Variants in MPP7 observed in about 807,000 individuals in gnomAD.
MPP7 encodes MAGUK p55 subfamily member 7.
A neutral mutation model predicts 76.5 loss-of-function variants in MPP7; 60 were observed. The ratio of observed to expected loss-of-function variants is 0.78; its 90% CI spans 0.64 to 0.97. The LOEUF is 0.97. MPP7 is among the 50% of genes least tolerant of loss of function. The pLI is 0.00. For synonymous variants in MPP7, 237 were observed against 244.5 expected (o/e 0.97, Z 0.29); for missense variants, 641 against 694.0 (o/e 0.92, Z 0.86).
At chr10:28,159,289 T>C (rs769409820) in intron 3 of MPP7, among the ~76,000 whole-genome samples, 3 of 152,226 alleles carry the variant, frequency 2.0e-5, no homozygotes, top group Admixed American at 1.3e-4. Context: ...GAACTCGTCT[T>C]AGTTTCTTAA....
chr10:28,293,655 C>A (rs1840973843), intron 1 of MPP7, among the ~76,000 whole-genome samples: 3 of 152,148 alleles, frequency 2.0e-5, no homozygotes, highest in African/African-American at 4.8e-5. Context: ...CCAGTCCGAG[C>A]CCCTGAGCTG....
chr10:28,122,825 C>A (rs1202075999), intron 8 of MPP7, among the ~76,000 whole-genome samples: 1 of 151,926 alleles, frequency 6.6e-6, no homozygotes, highest in Non-Finnish European at 1.5e-5. Context: ...TTCTTTATGG[C>A]ACCTTTTTTC....
intron 11 of MPP7, among the ~76,000 whole-genome samples, chr10:28,108,451 T>C (rs529613566): frequency 6.6e-6 from 1 of 152,124 alleles, no homozygotes; most frequent in African/African-American, 2.4e-5. Flanking sequence ...GCTCAGGAGT[T>C]TGAGACCAGC....
At chr10:28,123,753 T>C (rs908463563) in intron 8 of MPP7, among the ~76,000 whole-genome samples, 12 of 152,126 alleles carry the variant, frequency 7.9e-5, no homozygotes, top group East Asian at 3.8e-4. Flanking sequence ...ATTACAGATA[T>C]AAGCCACCAC....
chr10:28,094,302 G>A (rs961750470), intron 11 of MPP7, among the ~76,000 whole-genome samples: 1 of 150,988 alleles, frequency 6.6e-6, no homozygotes, highest in Non-Finnish European at 1.5e-5. Context: ...CAGTGAGGTC[G>A]CAACAGGGGT....
intron 3 of MPP7, among the ~76,000 whole-genome samples, chr10:28,195,940 T>A (rs963900606): frequency 6.6e-6 from 1 of 152,162 alleles, no homozygotes; most frequent in Non-Finnish European, 1.5e-5. Context: ...TGACAGTAGG[T>A]GAATTATATA....
At chr10:28,211,058 C>T (rs908028301) in intron 2 of MPP7, among the ~76,000 whole-genome samples, 5 of 152,080 alleles carry the variant, frequency 3.3e-5, no homozygotes, top group Non-Finnish European at 7.3e-5. Flanking sequence ...TCTTCCTGAA[C>T]CCATGCTACA....
intron 2 of MPP7, among the ~76,000 whole-genome samples, chr10:28,318,578 A>G (rs1834341051): frequency 6.6e-6 from 1 of 152,126 alleles, no homozygotes; most frequent in Admixed American, 6.6e-5. Flanking sequence ...CCAGCTACCC[A>G]GGAGGCTGAG....
chr10:28,169,081 T>C (rs1162634781), intron 3 of MPP7, among the ~76,000 whole-genome samples: 2 of 152,216 alleles, frequency 1.3e-5, no homozygotes, highest in Non-Finnish European at 2.9e-5. Flanking sequence ...ATCTTCACTA[T>C]TGAGACTCTA....
At chr10:28,162,817 T>A (rs758018325) in intron 3 of MPP7, among the ~76,000 whole-genome samples, 28 of 152,168 alleles carry the variant, frequency 1.8e-4, no homozygotes, top group Non-Finnish European at 3.1e-4. Flanking sequence ...GACTTTTGTC[T>A]TGCAGGTACA....
chr10:28,083,134 T>C (rs940164245), intron 12 of MPP7, among the ~76,000 whole-genome samples: 1 of 152,196 alleles, frequency 6.6e-6, no homozygotes, highest in Admixed American at 6.5e-5. Context: ...TCTCTCATCT[T>C]CTATATTATC....
chr10:28,146,401 T>G lies in MPP7; in HGVS notation c.315+1082A>C, dbSNP rs1269799192. Reference sequence around the variant, plus strand: ...GTCCACGCATGTTTTTTTTTTGTTTTTTTGTTTTTTTTTTTTTTGAGACGG... The same window carrying G: ...GTCCACGCATGTTTTTTTTTTGTTTGTTTGTTTTTTTTTTTTTTGAGACGG... On this transcript the variant is annotated intron_variant, in intron 5 of 16. Coordinates refer to ENST00000683449, the MANE Select transcript of MPP7 (RefSeq NM_001318170.2). Among the ~76,000 whole-genome samples, 6 of 113,202 alleles carry G rather than the reference T, an allele frequency of 5.3e-5. No homozygotes were observed. The Admixed American group carries it at 6.4e-4, about 12-fold the overall frequency. 74.3% of individuals were successfully genotyped at this position (113,202 alleles called of 152,430 possible).
At chr10:28,090,583 A>G (rs10453982) in intron 11 of MPP7, among the ~76,000 whole-genome samples, 46,584 of 152,172 alleles carry the variant, frequency 0.31, 8,800 homozygotes, top group East Asian at 0.88. Flanking sequence ...TTTCTATTAC[A>G]TCCTAAGCAT....
intron 11 of MPP7, among the ~76,000 whole-genome samples, chr10:28,114,295 C>G (rs1476194153): frequency 1.3e-5 from 2 of 152,074 alleles, no homozygotes; most frequent in African/African-American, 4.8e-5. Flanking sequence ...GCCTGTAGTC[C>G]CAGCTACTCA....
chr10:28,243,741 C>G (rs185779291), intron 1 of MPP7, among the ~76,000 whole-genome samples: 1 of 152,014 alleles, frequency 6.6e-6, no homozygotes, highest in Non-Finnish European at 1.5e-5. Flanking sequence ...CCGGAACATA[C>G]AGCAACAAAA....
At chr10:28,145,638 T>A (rs1835678723) in intron 5 of MPP7, among the ~76,000 whole-genome samples, 1 of 152,182 alleles carries the variant, frequency 6.6e-6, no homozygotes, top group African/African-American at 2.4e-5. Flanking sequence ...AAAAAGATAC[T>A]TTATTCCCAA....
At chr10:28,292,835 T>TGA (rs1168275412) in intron 1 of MPP7, among the ~76,000 whole-genome samples, 3 of 149,778 alleles carry the variant, frequency 2.0e-5, no homozygotes, top group Non-Finnish European at 4.5e-5. Context: ...CCTAAAAAGG[T>TGA]GAGAGAGAGA....
At chr10:28,296,679 C>T (rs1338307650) in intron 1 of MPP7, among the ~76,000 whole-genome samples, 1 of 152,138 alleles carries the variant, frequency 6.6e-6, no homozygotes, top group Non-Finnish European at 1.5e-5. Context: ...AAAGAATGGT[C>T]TCCTCTCTTT....
intron 3 of MPP7, among the ~76,000 whole-genome samples, chr10:28,197,710 T>C (rs1395025610): frequency 6.6e-6 from 1 of 152,164 alleles, no homozygotes; most frequent in East Asian, 1.9e-4. Context: ...AAGTTGAACA[T>C]CTTGGCCCTA....
Sources: gnomAD v4.1 joint callset for allele counts (sites outside exome capture counted in the v4.1 genomes callset) on GRCh38, gnomAD v4.1.1 for gene constraint, MANE v1.5 for transcripts, NCBI Gene and HGNC (gene_info 2026-07-23, HGNC 2026-07-21) for gene names.